Variants in RSF1 observed in about 807,000 individuals in gnomAD.
RSF1 encodes the protein HBV pX-associated protein 8.
RSF1 carries 13 observed loss-of-function variants against 145.2 expected under a neutral mutation model. The ratio of observed to expected loss-of-function variants is 0.09; its 90% confidence interval spans 0.06 to 0.14. RSF1 has a LOEUF of 0.14. Ranked by LOEUF, RSF1 falls within the 10% of genes least tolerant of loss-of-function variation. The probability of loss-of-function intolerance (pLI) is 1.00; values close to 1 mark genes in which losing one functional copy is unlikely to be tolerated. For synonymous variants in RSF1, 577 were observed against 592.6 expected, an observed-to-expected ratio of 0.97 and a Z score of 0.38; for missense variants, 1,517 against 1,718.2, an observed-to-expected ratio of 0.88 and a Z score of 2.07.
At chr11:77,783,574 G>T (rs2135958856) in intron 1 of RSF1, among the ~76,000 whole-genome samples, 1 of 152,260 alleles carries the variant, frequency 6.6e-6, no homozygotes, top group Admixed American at 6.5e-5. Flanking sequence ...GGGTGCAGTG[G>T]CTCACACCTG....
chr11:77,673,214 T>C (rs551360088), intron 14 of RSF1, among the ~76,000 whole-genome samples: 1 of 152,324 alleles, frequency 6.6e-6, no homozygotes, highest in East Asian at 1.9e-4. Context: ...ACTCAAGATA[T>C]ATTTTTGACT....
intron 5 of RSF1, among the ~76,000 whole-genome samples, chr11:77,721,357 ATATT>A (rs1960936430): frequency 6.6e-6 from 1 of 152,216 alleles, no homozygotes; most frequent in East Asian, 1.9e-4. Flanking sequence ...GAACAGAATC[ATATT>A]TATTTGGTCT....
chr11:77,722,477 C>T (rs927905507), intron 5 of RSF1, among the ~76,000 whole-genome samples: 1 of 152,118 alleles, frequency 6.6e-6, no homozygotes, highest in Non-Finnish European at 1.5e-5. Flanking sequence ...ACCCACTCCA[C>T]CAGATTCTGT....
chr11:77,844,541 TTATAG>T, the RSF1 span, among the ~76,000 whole-genome samples: 31 of 152,126 alleles, frequency 2.0e-4, no homozygotes, highest in South Asian at 2.1e-4. Flanking sequence ...TTTTTAGTTT[TTATAG>T]AGATGAGGTC....
At chr11:77,870,820 G>A in the RSF1 span, among the ~76,000 whole-genome samples, 5 of 152,010 alleles carry the variant, frequency 3.3e-5, no homozygotes, top group African/African-American at 4.8e-5. Context: ...ATAGATATAC[G>A]TTTATATACT....
At chr11:77,706,307 C>A (rs1242364980) in intron 5 of RSF1, among the ~76,000 whole-genome samples, 4 of 152,184 alleles carry the variant, frequency 2.6e-5, no homozygotes, top group African/African-American at 9.6e-5. Context: ...CTTGTGTCAC[C>A]TCCACCTTGG....
chr11:77,748,864 A>G (rs995543528), intron 2 of RSF1, among the ~76,000 whole-genome samples: 1 of 152,228 alleles, frequency 6.6e-6, no homozygotes, highest in African/African-American at 2.4e-5. Context: ...CTTGTATACA[A>G]ATGTTCCTCG....
At chr11:77,805,014 G>C (rs1342565831) in intron 1 of RSF1, among the ~76,000 whole-genome samples, 1 of 152,010 alleles carries the variant, frequency 6.6e-6, no homozygotes. Flanking sequence ...TTAAACATGT[G>C]TTTATTTATC....
In RSF1 at chr11:77,661,326, C is replaced by A. The variant is rs985469205; in HGVS notation, c.*5591G>T. 6 of 151,938 alleles carry A rather than the reference C, an allele frequency of 3.9e-5. No individual in the cohort carries two copies. Among genetic ancestry groups the A allele is most frequent in the African/African-American group, 1.4e-4 (6 of 41,382 alleles). The allele number at this position is 151,938 out of a possible 1,614,324, so 9.4% of individuals were successfully genotyped here. On this transcript the variant is annotated 3_prime_UTR_variant, in exon 16 of 16. Coordinates refer to ENST00000308488, the MANE Select transcript of RSF1 (RefSeq NM_016578.4). ...AACACCAGACTAACATTGAGAATAC[C>A]CTAGTTAGGCATCACAAAAATCATG...
chr11:77,812,819 G>A (rs551084817), intron 1 of RSF1, among the ~76,000 whole-genome samples: 3 of 151,134 alleles, frequency 2.0e-5, no homozygotes, highest in African/African-American at 7.3e-5. Flanking sequence ...GAACCCAGGA[G>A]GCAGAGGTTG....
intron 6 of RSF1, among the ~76,000 whole-genome samples, chr11:77,700,403 C>CT (rs934684772): frequency 2.1e-5 from 3 of 144,692 alleles, no homozygotes; most frequent in Admixed American, 6.9e-5. Context: ...ATACCCCACA[C>CT]TGTTAATAGT....
intron 4 of RSF1, among the ~76,000 whole-genome samples, chr11:77,735,719 C>T (rs1302564425): frequency 6.6e-6 from 1 of 152,108 alleles, no homozygotes; most frequent in African/African-American, 2.4e-5. Context: ...TTTACTTGTT[C>T]TTCCCTTATC....
intron 1 of RSF1, among the ~76,000 whole-genome samples, chr11:77,808,654 C>T (rs1948702517): frequency 7.8e-6 from 1 of 127,820 alleles, no homozygotes; most frequent in South Asian, 2.5e-4. Flanking sequence ...CTGCCTCAGC[C>T]TCCCGAGTAG....
At chr11:77,741,243 A>G (rs1444488091) in intron 3 of RSF1, among the ~76,000 whole-genome samples, 1 of 152,194 alleles carries the variant, frequency 6.6e-6, no homozygotes, top group African/African-American at 2.4e-5. Context: ...ATCTCATGGT[A>G]TAAGATTTTC....
rs182120523 is a variant in RSF1 at position 77,740,720 on chromosome 11, A to G, written c.578+11T>C. ...CACAAATAAGTGTAAAAAGGTTCCA[A>G]TAAAAGATACCTGACAATGCATTTC... is the stretch of plus-strand genomic sequence containing the variant. On this transcript the variant is annotated intron_variant, in intron 4 of 15. Coordinates refer to ENST00000308488, the MANE Select transcript of RSF1 (RefSeq NM_016578.4). 1.2e-5 allele frequency: 19 copies of G among 1,609,046 alleles called. No individual in the cohort carries two copies. In the African/African-American group the frequency reaches 1.6e-4, roughly 14 times the overall value.
chr11:77,671,293 T>C (rs1959542574), intron 15 of RSF1, among the ~76,000 whole-genome samples: 1 of 149,488 alleles, frequency 6.7e-6, no homozygotes. Context: ...CTTGTACTAC[T>C]GGTAGGGGGC....
At chr11:77,751,644 G>A (rs1157954640) in intron 2 of RSF1, among the ~76,000 whole-genome samples, 2 of 152,166 alleles carry the variant, frequency 1.3e-5, no homozygotes, top group Non-Finnish European at 2.9e-5. Flanking sequence ...TTAGAAGACA[G>A]AAATGACATA....
At chr11:77,822,817 A>C (rs967659804), upstream of RSF1, among the ~76,000 whole-genome samples, 5 of 152,240 alleles carry the variant, frequency 3.3e-5, no homozygotes, top group Admixed American at 2.0e-4. Flanking sequence ...TCAAAGTCTA[A>C]AGAACACTGT....
At chr11:77,690,175 A>C (rs530359315) in intron 9 of RSF1, among the ~76,000 whole-genome samples, 89 of 151,860 alleles carry the variant, frequency 5.9e-4, no homozygotes, top group African/African-American at 1.7e-3. Flanking sequence ...AAAAAAAAAA[A>C]AAAAACAAAA....
Sources: gnomAD v4.1 joint callset for allele counts (sites outside exome capture counted in the v4.1 genomes callset) on GRCh38, gnomAD v4.1.1 for gene constraint, MANE v1.5 for transcripts, NCBI Gene and HGNC (gene_info 2026-07-23, HGNC 2026-07-21) for gene names.